Variants in CMC1 observed in about 807,000 individuals in gnomAD.
CMC1 encodes the protein C-X9-C motif containing 1.
In CMC1, 14 loss-of-function variants were observed where a neutral mutation model predicts 14.1. The observed-to-expected ratio is 0.99, with a 90% confidence interval of 0.66 to 1.55. The LOEUF is 1.55. CMC1 is among the 40% of genes most tolerant of loss of function. CMC1 has a pLI of 0.00. For synonymous variants in CMC1, 50 were observed against 38.4 expected (o/e 1.30, Z -1.12); for missense variants, 127 against 123.8 (o/e 1.03, Z -0.12).
chr3:28,308,603 TA>T (rs1702456178), intron 2 of CMC1, among the ~76,000 whole-genome samples: 2 of 152,200 alleles, frequency 1.3e-5, no homozygotes, highest in Admixed American at 1.3e-4. Flanking sequence ...GTATTAAAAA[TA>T]TGTCCATTTT....
intron 2 of CMC1, among the ~76,000 whole-genome samples, chr3:28,275,816 T>C (rs1182957385): frequency 1.3e-5 from 2 of 152,206 alleles, no homozygotes; most frequent in East Asian, 3.9e-4. Flanking sequence ...TGACTGGAAC[T>C]GCTGAAATTC....
At chr3:28,267,286 A>G (rs1450974959) in intron 2 of CMC1, among the ~76,000 whole-genome samples, 2 of 152,216 alleles carry the variant, frequency 1.3e-5, no homozygotes, top group African/African-American at 4.8e-5. Context: ...AAAATTCCTC[A>G]TTATATTTCT....
intron 2 of CMC1, among the ~76,000 whole-genome samples, chr3:28,266,504 G>GTT (rs752993437): frequency 6.8e-6 from 1 of 146,440 alleles, no homozygotes. Context: ...AAAGTATATG[G>GTT]TTTTTTTTTT....
rs1376026176 is a variant in CMC1 at position 28,267,617 on chromosome 3, TG to T, written c.109+4240del. 3.9e-5 allele frequency among the ~76,000 whole-genome samples: 6 copies of T among 152,208 alleles called. No individual in the cohort carries two copies. In the East Asian group the frequency reaches 1.2e-3, roughly 29 times the overall value. ...GAATTACATAAAGTACAAGGAAGCA[TG>T]GGTTATTTGTTTGTTTGAAACATCA... is the stretch of plus-strand genomic sequence containing the variant. On this transcript the variant is annotated intron_variant, in intron 2 of 3. Transcript: ENST00000466830.
At chr3:28,274,408 A>G (rs1211612419) in intron 2 of CMC1, among the ~76,000 whole-genome samples, 1 of 151,726 alleles carries the variant, frequency 6.6e-6, no homozygotes, top group Admixed American at 6.6e-5. Flanking sequence ...TGTGTTGGAA[A>G]TTCTTTTCTT....
At chr3:28,298,175 A>T (rs758545555) in intron 2 of CMC1, 8 of 151,134 alleles carry the variant, frequency 5.3e-5, no homozygotes, top group Non-Finnish European at 8.9e-5. Flanking sequence ...AGAGTATCAG[A>T]TCTGTCAAGT....
chr3:28,317,170 A>C (rs908716378), intron 3 of CMC1: 5 of 152,212 alleles, frequency 3.3e-5, no homozygotes, highest in Admixed American at 2.0e-4. Flanking sequence ...GGATTAAATA[A>C]AAATGTAATG....
chr3:28,318,439 A>G (rs774088756), intron 3 of CMC1: 1 of 150,446 alleles, frequency 6.6e-6, no homozygotes, highest in African/African-American at 2.4e-5. Flanking sequence ...GTACTTCTCC[A>G]TGTTTTTAAT....
At chr3:28,245,223 T>C (rs1443090397) in intron 1 of CMC1, among the ~76,000 whole-genome samples, 1 of 152,214 alleles carries the variant, frequency 6.6e-6, no homozygotes, top group Non-Finnish European at 1.5e-5. Context: ...CAAGAAACTG[T>C]GAACCCAGCG....
Position 28,319,759 on chromosome 3 carries a change from AT to A in CMC1, c.*131del. 2 of 795,552 alleles carry A rather than the reference AT, an allele frequency of 2.5e-6. No homozygotes were observed. The highest frequency in any genetic ancestry group is 3.7e-6 in the Non-Finnish European group (2 of 537,118). The allele number at this position is 795,552 out of a possible 1,614,324, so 49.3% of individuals were successfully genotyped here. A position where few individuals can be genotyped will look rare whatever the true frequency, so the allele number is the denominator to read the frequency against. On this transcript the variant is annotated 3_prime_UTR_variant, in exon 4 of 4. Transcript: ENST00000466830. Reference sequence around the variant, plus strand: ...GAAATATTAACTTTATCTGAAATAAATATTTTATTTCAAAGTTTTGGTTTCT... The same window carrying A: ...GAAATATTAACTTTATCTGAAATAAAATTTTATTTCAAAGTTTTGGTTTCT...
At chr3:28,298,114 G>A (rs1267449971) in intron 2 of CMC1, 1 of 151,670 alleles carries the variant, frequency 6.6e-6, no homozygotes, top group East Asian at 1.9e-4. Flanking sequence ...AGCCCAGCCT[G>A]AGTCTACAGG....
At position 28,321,416 on chromosome 3, in the gene CMC1, CAGATT is replaced by C. The variant is rs1703186284; in HGVS notation, c.*1794_*1798del. ...TACATGTTGCTTTCCCCATAGAAGC[CAGATT>C]AGATTACACAGTATAAATAATATGT... On this transcript the variant is annotated 3_prime_UTR_variant, in exon 4 of 4. Coordinates refer to ENST00000466830, the MANE Select transcript of CMC1 (RefSeq NM_182523.2). The C allele has an allele frequency of 6.6e-6, 1 of 151,288 alleles. No individual in the cohort carries two copies. The highest frequency in any genetic ancestry group is 6.6e-5 in the Admixed American group (1 of 15,116). The allele number at this position is 151,288 out of a possible 1,614,324, so 9.4% of individuals were successfully genotyped here. A position where few individuals can be genotyped will look rare whatever the true frequency, so the allele number is the denominator to read the frequency against.
chr3:28,284,845 G>T (rs1462670576), intron 2 of CMC1, among the ~76,000 whole-genome samples: 3 of 152,006 alleles, frequency 2.0e-5, no homozygotes, highest in Admixed American at 2.0e-4. Context: ...TTTCCAGTAG[G>T]CCAAGGATTC....
At chr3:28,259,475 A>G (rs1413520369) in intron 1 of CMC1, among the ~76,000 whole-genome samples, 4 of 152,188 alleles carry the variant, frequency 2.6e-5, no homozygotes, top group African/African-American at 4.8e-5. Flanking sequence ...ACAGGCTCCT[A>G]TAATTAAATG....
intron 2 of CMC1, among the ~76,000 whole-genome samples, chr3:28,302,945 A>C (rs1479589484): frequency 6.6e-6 from 1 of 152,218 alleles, no homozygotes; most frequent in Non-Finnish European, 1.5e-5. Context: ...GGAATAAGTG[A>C]GATCCAATAG....
intron 2 of CMC1, among the ~76,000 whole-genome samples, chr3:28,290,673 T>C (rs1172867291): frequency 6.6e-6 from 1 of 152,162 alleles, no homozygotes; most frequent in Non-Finnish European, 1.5e-5. Flanking sequence ...CAGAAAACTT[T>C]TCTTAAATTA....
At chr3:28,279,300 T>G (rs1417386350) in intron 2 of CMC1, among the ~76,000 whole-genome samples, 1 of 152,062 alleles carries the variant, frequency 6.6e-6, no homozygotes, top group Non-Finnish European at 1.5e-5. Context: ...CCTTGGAAAG[T>G]GCGTGTGCAT....
At chr3:28,271,619 G>A (rs1020835773) in intron 2 of CMC1, among the ~76,000 whole-genome samples, 13 of 152,184 alleles carry the variant, frequency 8.5e-5, no homozygotes, top group Admixed American at 7.2e-4. Flanking sequence ...ACAGTTTGAA[G>A]TCAGGTAGCA....
intron 2 of CMC1, among the ~76,000 whole-genome samples, chr3:28,294,817 T>C (rs1701658708): frequency 2.0e-5 from 3 of 152,150 alleles, no homozygotes. Context: ...ATATGACTCC[T>C]TCTAGATTTG....
Sources: gnomAD v4.1 joint callset for allele counts (sites outside exome capture counted in the v4.1 genomes callset) on GRCh38, gnomAD v4.1.1 for gene constraint, MANE v1.5 for transcripts, NCBI Gene and HGNC (gene_info 2026-07-23, HGNC 2026-07-21) for gene names.